DIS3L2: variants seen among roughly 807,000 people sequenced by gnomAD.
The protein encoded by DIS3L2 is DIS3-like exonuclease 2.
Under a neutral mutation model 97.5 loss-of-function variants are expected in DIS3L2, and 34 were observed. That is an observed-to-expected ratio of 0.35 (90% CI 0.27 to 0.46). The LOEUF is 0.46. DIS3L2 is among the 20% of genes least tolerant of loss of function. The pLI, the probability that DIS3L2 is intolerant of heterozygous loss-of-function variation, is 1.00. For missense variants in DIS3L2, 1,038 were observed against 1,146.0 expected (o/e 0.91, Z 1.36); for synonymous variants, 435 against 445.2 (o/e 0.98, Z 0.29).
At chr2:231,982,829 G>A (rs569161389) in intron 1 of DIS3L2, among the ~76,000 whole-genome samples, 3 of 151,938 alleles carry the variant, frequency 2.0e-5, no homozygotes, top group African/African-American at 4.8e-5. Flanking sequence ...ACAGGTGCCC[G>A]CCACCACACC....
intron 13 of DIS3L2, chr2:232,343,132 G>C: frequency 1.8e-6 from 1 of 555,688 alleles, no homozygotes; most frequent in Non-Finnish European, 3.3e-6. Context: ...GTAACTGAAG[G>C]CCCCCTCAAC....
At chr2:232,020,901 A>G (rs987638716) in intron 3 of DIS3L2, among the ~76,000 whole-genome samples, 2 of 152,156 alleles carry the variant, frequency 1.3e-5, no homozygotes, top group Non-Finnish European at 2.9e-5. Context: ...TTTTATTACT[A>G]TAAGAGGAGC....
intron 5 of DIS3L2, among the ~76,000 whole-genome samples, chr2:232,063,423 G>A (rs968068567): frequency 1.8e-4 from 28 of 152,112 alleles, no homozygotes; most frequent in East Asian, 1.2e-3. Flanking sequence ...AGGTACATAC[G>A]AATGACATTT....
chr2:232,305,259 G>T (rs953468564), intron 14 of DIS3L2, among the ~76,000 whole-genome samples: 4 of 152,024 alleles, frequency 2.6e-5, no homozygotes, highest in African/African-American at 9.6e-5. Flanking sequence ...TGTATTTTTA[G>T]TAGAGATGGG....
rs559603337 is a variant in DIS3L2 at position 232,050,175 on chromosome 2, A to G, written c.366+20095A>G. On this transcript the variant is annotated intron_variant, in intron 5 of 20. Coordinates refer to ENST00000325385, the MANE Select transcript of DIS3L2 (RefSeq NM_152383.5). ...ACCATTGATTTCCCTTTTCTTTGTA[A>G]TAACCTCTCATTAGCTCCATGTCCC... Among the ~76,000 whole-genome samples, 3 of 152,244 alleles carry G rather than the reference A, an allele frequency of 2.0e-5. No individual in the cohort carries two copies. The South Asian group carries it at 6.2e-4, about 32-fold the overall frequency.
At chr2:232,231,023 C>G (rs955070007) in intron 10 of DIS3L2, among the ~76,000 whole-genome samples, 1 of 152,152 alleles carries the variant, frequency 6.6e-6, no homozygotes, top group Non-Finnish European at 1.5e-5. Context: ...CTCATAGACA[C>G]CTTTTCATTA....
intron 16 of DIS3L2, among the ~76,000 whole-genome samples, chr2:232,331,285 C>A (rs898649843): frequency 2.0e-5 from 3 of 152,230 alleles, no homozygotes; most frequent in African/African-American, 7.2e-5. Context: ...GTCACAGCGC[C>A]CCAGGCTGAG....
intron 10 of DIS3L2, among the ~76,000 whole-genome samples, chr2:232,237,044 C>T (rs1043228030): frequency 2.6e-5 from 4 of 152,148 alleles, no homozygotes; most frequent in African/African-American, 9.7e-5. Context: ...GCCACCGTGC[C>T]CAGCCTATAT....
intron 1 of DIS3L2, among the ~76,000 whole-genome samples, chr2:231,988,512 T>C (rs567981031): frequency 2.0e-5 from 3 of 152,334 alleles, no homozygotes; most frequent in African/African-American, 7.2e-5. Flanking sequence ...GAATTTTGTG[T>C]CCTCCATTCC....
At chr2:232,236,542 T>A (rs1692937627) in intron 10 of DIS3L2, among the ~76,000 whole-genome samples, 1 of 152,188 alleles carries the variant, frequency 6.6e-6, no homozygotes, top group South Asian at 2.1e-4. Context: ...GGCATGATTA[T>A]GTAGCATAGA....
intron 1 of DIS3L2, among the ~76,000 whole-genome samples, chr2:232,000,265 G>A (rs1217143445): frequency 6.6e-6 from 1 of 152,006 alleles, no homozygotes; most frequent in Admixed American, 6.6e-5. Flanking sequence ...TTTTTGATCT[G>A]AATTCACAGA....
intron 9 of DIS3L2, among the ~76,000 whole-genome samples, chr2:232,181,727 C>T (rs548038003): frequency 3.4e-4 from 52 of 152,272 alleles, no homozygotes; most frequent in African/African-American, 1.2e-3. Context: ...CAACCTCCAC[C>T]TCCTGGGTTC....
chr2:232,132,759 T>C (rs1047535093), intron 7 of DIS3L2, among the ~76,000 whole-genome samples: 10 of 152,102 alleles, frequency 6.6e-5, no homozygotes, highest in African/African-American at 2.4e-4. Context: ...CAGCTTCTCT[T>C]TCCCACCAAG....
intron 10 of DIS3L2, among the ~76,000 whole-genome samples, chr2:232,223,041 T>C (rs1256007884): frequency 2.0e-5 from 3 of 152,232 alleles, no homozygotes; most frequent in Admixed American, 6.5e-5. Flanking sequence ...GGAAATTCTC[T>C]TTTTCATGGA....
intron 14 of DIS3L2, 49 bp from the exon 15 acceptor site, chr2:232,329,764 C>G: frequency 7.0e-7 from 1 of 1,432,718 alleles, no homozygotes; most frequent in South Asian, 1.5e-5. Flanking sequence ...AGCCTGCGCA[C>G]CTGTCCCCAA....
intron 11 of DIS3L2, among the ~76,000 whole-genome samples, chr2:232,244,364 C>T (rs781696860): frequency 3.9e-5 from 6 of 151,962 alleles, no homozygotes; most frequent in East Asian, 1.9e-4. Context: ...GAGGGGTGGT[C>T]GTTTGCTTCC....
intron 5 of DIS3L2, among the ~76,000 whole-genome samples, chr2:232,053,493 C>T (rs1156331601): frequency 1.3e-5 from 2 of 152,172 alleles, no homozygotes; most frequent in East Asian, 3.8e-4. Flanking sequence ...AGAGTTAGCA[C>T]AGACCCCACA....
chr2:232,254,148 C>T (rs1323119518), intron 12 of DIS3L2, among the ~76,000 whole-genome samples: 2 of 152,112 alleles, frequency 1.3e-5, no homozygotes, highest in African/African-American at 2.4e-5. Flanking sequence ...GAACCCAGTC[C>T]GTAATAGATT....
intron 6 of DIS3L2, among the ~76,000 whole-genome samples, chr2:232,110,115 A>T (rs573881299): frequency 9.8e-5 from 15 of 152,320 alleles, no homozygotes; most frequent in African/African-American, 3.4e-4. Context: ...CAACATCATT[A>T]ATCATTAGAG....
Sources: allele counts gnomAD v4.1 joint callset (sites outside exome capture counted in the v4.1 genomes callset), GRCh38; gene constraint gnomAD v4.1.1; transcripts MANE v1.5; gene names NCBI Gene and HGNC (gene_info 2026-07-23, HGNC 2026-07-21).